Variants in SLC10A7 observed in about 807,000 individuals in gnomAD.
The protein encoded by SLC10A7 is sodium/bile acid cotransporter 7.
SLC10A7 carries 29 observed loss-of-function variants against 43.2 expected under a neutral mutation model. The ratio of observed to expected loss-of-function variants is 0.67; its 90% CI spans 0.50 to 0.92. SLC10A7 has a LOEUF of 0.92. Ranked by LOEUF, SLC10A7 falls within the 40% of genes least tolerant of loss-of-function variation. The pLI is 0.00. For missense variants in SLC10A7, 295 were observed against 403.2 expected (o/e 0.73, Z 2.30); for synonymous variants, 152 against 144.8 (o/e 1.05, Z -0.35).
intron 4 of SLC10A7, among the ~76,000 whole-genome samples, chr4:146,457,926 T>C (rs1009806221): frequency 2.0e-5 from 3 of 151,920 alleles, no homozygotes; most frequent in Non-Finnish European, 4.4e-5. Flanking sequence ...ATATTAATTC[T>C]ATAAAAACTC....
intron 4 of SLC10A7, among the ~76,000 whole-genome samples, chr4:146,472,435 T>G (rs1027511047): frequency 4.0e-5 from 4 of 99,092 alleles, no homozygotes; most frequent in African/African-American, 1.6e-4. Context: ...AGGCTTATTC[T>G]GTTTTTTTTT....
intron 5 of SLC10A7, among the ~76,000 whole-genome samples, chr4:146,360,164 T>C (rs72952515): frequency 0.011 from 1,665 of 152,266 alleles, 25 homozygotes; most frequent in African/African-American, 0.037. Context: ...ATTTTGAATA[T>C]ATATTTGCTT....
intron 5 of SLC10A7, among the ~76,000 whole-genome samples, chr4:146,386,521 G>T (rs905495354): frequency 1.3e-5 from 2 of 152,088 alleles, no homozygotes; most frequent in Admixed American, 6.6e-5. Context: ...TGACATTGTG[G>T]CAATGCTCAC....
At chr4:146,323,580 G>T (rs1732889681) in intron 6 of SLC10A7, among the ~76,000 whole-genome samples, 2 of 151,844 alleles carry the variant, frequency 1.3e-5, no homozygotes, top group South Asian at 4.1e-4. Context: ...TGTTCCACTG[G>T]TCTCTCTGTT....
At chr4:146,345,745 T>G (rs1407184513) in intron 5 of SLC10A7, among the ~76,000 whole-genome samples, 1 of 152,158 alleles carries the variant, frequency 6.6e-6, no homozygotes, top group Non-Finnish European at 1.5e-5. Context: ...ACCATGCTTA[T>G]TTTTACTCTA....
chr4:146,355,607 T>C (rs1003482457), intron 5 of SLC10A7, among the ~76,000 whole-genome samples: 18 of 151,980 alleles, frequency 1.2e-4, no homozygotes, highest in African/African-American at 2.2e-4. Flanking sequence ...TATTGTGGCA[T>C]TATTCACAAT....
intron 7 of SLC10A7, among the ~76,000 whole-genome samples, chr4:146,305,632 A>G (rs1289130740): frequency 1.3e-5 from 2 of 152,096 alleles, no homozygotes; most frequent in Non-Finnish European, 2.9e-5. Context: ...CAAGGTAGCT[A>G]CACAGCTACA....
At chr4:146,353,088 G>T (rs143539748) in intron 5 of SLC10A7, among the ~76,000 whole-genome samples, 71,299 of 149,146 alleles carry the variant, frequency 0.48, 17,294 homozygotes, top group East Asian at 0.61. Context: ...AAAAATCAAT[G>T]AATCCAGGAG....
At chr4:146,497,794 T>G (rs1024918928) in intron 4 of SLC10A7, among the ~76,000 whole-genome samples, 21 of 152,048 alleles carry the variant, frequency 1.4e-4, no homozygotes, top group African/African-American at 4.6e-4. Context: ...TTCTTTAAAT[T>G]TTTTTTTCTT....
rs559039490 is a variant in SLC10A7 at position 146,310,529 on chromosome 4, G to C, written c.472-4520C>G. Among the ~76,000 whole-genome samples the C allele has an allele frequency of 2.6e-5, 4 of 152,258 alleles. No individual in the cohort carries two copies. In the East Asian group the frequency reaches 7.7e-4, roughly 29 times the overall value. ...ATAGTAGCCATTCTGACTGGTGTAA[G>C]ATGGTGTCTCATTGTGGTTTTGATT... On this transcript the variant is annotated intron_variant, in intron 6 of 11. Coordinates refer to ENST00000335472, the MANE Select transcript of SLC10A7 (RefSeq NM_001029998.6).
At chr4:146,295,334 T>C (rs963100386) in intron 7 of SLC10A7, among the ~76,000 whole-genome samples, 11 of 152,236 alleles carry the variant, frequency 7.2e-5, no homozygotes, top group African/African-American at 2.6e-4. Flanking sequence ...GAAAGTGTGT[T>C]AGATATTTTA....
chr4:146,509,036 T>C (rs1737192444), intron 3 of SLC10A7, among the ~76,000 whole-genome samples: 1 of 152,226 alleles, frequency 6.6e-6, no homozygotes, highest in Admixed American at 6.5e-5. Flanking sequence ...ACATTATGTT[T>C]CCTTTCCCTA....
At chr4:146,432,161 C>T (rs1729828251) in intron 5 of SLC10A7, among the ~76,000 whole-genome samples, 1 of 152,154 alleles carries the variant, frequency 6.6e-6, no homozygotes, top group Admixed American at 6.5e-5. Context: ...TGTGGAGTAA[C>T]TGGACTACTT....
At chr4:146,411,044 C>T (rs1279412014) in intron 5 of SLC10A7, among the ~76,000 whole-genome samples, 4 of 152,094 alleles carry the variant, frequency 2.6e-5, no homozygotes, top group Non-Finnish European at 5.9e-5. Flanking sequence ...CCATTTTGGC[C>T]AGGCTGGTTT....
At chr4:146,410,147 G>T (rs1228577045) in intron 5 of SLC10A7, among the ~76,000 whole-genome samples, 2 of 152,086 alleles carry the variant, frequency 1.3e-5, no homozygotes, top group Non-Finnish European at 2.9e-5. Context: ...ATATAGATGA[G>T]AACATAGAGG....
intron 6 of SLC10A7, among the ~76,000 whole-genome samples, chr4:146,312,338 C>T (rs529422654): frequency 5.1e-4 from 78 of 152,198 alleles, no homozygotes; most frequent in African/African-American, 1.8e-3. Flanking sequence ...AAGTGTACAA[C>T]ATGATGTTTT....
At chr4:146,409,654 A>C (rs1454563960) in intron 5 of SLC10A7, among the ~76,000 whole-genome samples, 4 of 152,226 alleles carry the variant, frequency 2.6e-5, no homozygotes, top group Non-Finnish European at 5.9e-5. Context: ...GGAATAGCAC[A>C]TCTGTGAACT....
At chr4:146,464,419 T>G (rs1450921995) in intron 4 of SLC10A7, among the ~76,000 whole-genome samples, 2 of 152,180 alleles carry the variant, frequency 1.3e-5, no homozygotes, top group African/African-American at 2.4e-5. Context: ...ATTTTCTATA[T>G]TGCTCACTAG....
intron 5 of SLC10A7, among the ~76,000 whole-genome samples, chr4:146,431,055 T>C (rs1729739518): frequency 6.6e-6 from 1 of 152,172 alleles, no homozygotes. Context: ...GTAAATAAAA[T>C]TAATATAAAA....
Sources: allele counts gnomAD v4.1 joint callset (sites outside exome capture counted in the v4.1 genomes callset), GRCh38; gene constraint gnomAD v4.1.1; transcripts MANE v1.5; gene names NCBI Gene and HGNC (gene_info 2026-07-23, HGNC 2026-07-21).